The following SP140 variants were observed in gnomAD, a reference collection of about 807,000 sequenced individuals.
SP140 encodes SP140 nuclear body protein.
A neutral mutation model predicts 125.0 loss-of-function variants in SP140; 81 were observed. That is an observed-to-expected ratio of 0.65 (90% CI 0.54 to 0.78). The LOEUF is 0.78. Among genes scored for constraint, SP140 ranks in the 30% least tolerant of loss-of-function variants. SP140 has a pLI of 0.00. For synonymous variants in SP140, 312 were observed against 354.0 expected, an observed-to-expected ratio of 0.88 and a Z score of 1.33; for missense variants, 858 against 1,037.0, an observed-to-expected ratio of 0.83 and a Z score of 2.37.
At chr2:230,249,388 G>A (rs529473679) in intron 9 of SP140, among the ~76,000 whole-genome samples, 1 of 152,266 alleles carries the variant, frequency 6.6e-6, no homozygotes, top group East Asian at 1.9e-4. Context: ...TGCAACTGAG[G>A]AAAGTCATGC....
At chr2:230,196,891 C>T in the SP140 span, among the ~76,000 whole-genome samples, 12 of 150,380 alleles carry the variant, frequency 8.0e-5, no homozygotes, top group Admixed American at 1.3e-4. Context: ...TTTATGGCTG[C>T]ATAGTATTCC....
At chr2:230,283,304 A>G (rs1370933357) in intron 15 of SP140, among the ~76,000 whole-genome samples, 3 of 152,224 alleles carry the variant, frequency 2.0e-5, no homozygotes, top group Admixed American at 1.3e-4. Context: ...AAAATCTGCT[A>G]TACCATTCCA....
At chr2:230,278,989 G>T (rs2055129575) in intron 15 of SP140, among the ~76,000 whole-genome samples, 1 of 152,026 alleles carries the variant, frequency 6.6e-6, no homozygotes, top group South Asian at 2.1e-4. Context: ...GAATTAGTAA[G>T]GTTGCAGAAT....
the SP140 span, among the ~76,000 whole-genome samples, chr2:230,188,212 T>G: frequency 6.6e-6 from 1 of 152,200 alleles, no homozygotes; most frequent in South Asian, 2.1e-4. Flanking sequence ...TCTCCTTGGA[T>G]AAGTATATTC....
Position 230,290,482 on chromosome 2 carries a change from A to G in SP140, c.1743A>G (p.Glu581=). Reference sequence around the variant, plus strand: ...CAGCTTCAAGAAAGCACAAAGATGAAACTGTGGATTTTAAGGCTCCTTTGC... The same window carrying G: ...CAGCTTCAAGAAAGCACAAAGATGAGACTGTGGATTTTAAGGCTCCTTTGC... The part of the protein sequence containing the change: ...RSRASRKHKD[E]TVDFKAPLLP... The change falls in exon 19 of 27, where the codon GAA becomes GAG. Residue 581 remains glutamate (E), a synonymous_variant. Coordinates refer to ENST00000392045, the MANE Select transcript of SP140 (RefSeq NM_007237.5). 8.7e-6 allele frequency: 14 copies of G among 1,613,838 alleles called. No individual in the cohort carries two copies. Among genetic ancestry groups the G allele is most frequent in the Non-Finnish European group, 1.0e-5 (12 of 1,179,934 alleles).
chr2:230,193,864 A>G, the SP140 span, among the ~76,000 whole-genome samples: 1 of 152,364 alleles, frequency 6.6e-6, no homozygotes, highest in East Asian at 1.9e-4. Context: ...AAAATCTTGA[A>G]GCACAGTATT....
upstream of SP140, chr2:230,200,419 A>G (rs1405236362): frequency 2.7e-5 from 5 of 188,400 alleles, no homozygotes; most frequent in Admixed American, 2.7e-4. Context: ...ATAGTGTCAC[A>G]TGTGTGTTTT....
upstream of SP140, chr2:230,200,713 T>C: frequency 1.5e-6 from 1 of 645,900 alleles, no homozygotes; most frequent in Non-Finnish European, 2.8e-6. Context: ...CATATATTTG[T>C]AGTAGTAAAT....
intron 8 of SP140, 92 bp from the exon 9 acceptor site, chr2:230,248,793 C>G (rs1027105705): frequency 1.2e-5 from 12 of 980,196 alleles, no homozygotes; most frequent in Non-Finnish European, 1.9e-5. Flanking sequence ...AGGGGTGGCT[C>G]TCAGCATTTG....
intron 1 of SP140, among the ~76,000 whole-genome samples, chr2:230,207,477 C>T (rs556682452): frequency 3.3e-4 from 51 of 152,284 alleles, no homozygotes; most frequent in Non-Finnish European, 6.3e-4. Context: ...ACAAAACACA[C>T]ATCTATACAC....
intron 19 of SP140, among the ~76,000 whole-genome samples, chr2:230,291,676 T>A (rs764743346): frequency 6.6e-6 from 1 of 152,276 alleles, no homozygotes; most frequent in African/African-American, 2.4e-5. Context: ...CATTTGGAAC[T>A]ATTTCCACTC....
chr2:230,255,968 G>A (rs1209258763), intron 12 of SP140, among the ~76,000 whole-genome samples: 1 of 152,196 alleles, frequency 6.6e-6, no homozygotes, highest in African/African-American at 2.4e-5. Flanking sequence ...CAGAAATACG[G>A]TAGGAAGAAG....
intron 8 of SP140, 72 bp downstream of exon 8, chr2:230,248,137 G>A (rs2049780010): frequency 1.4e-6 from 2 of 1,473,590 alleles, no homozygotes; most frequent in African/African-American, 1.4e-5. Flanking sequence ...GGGAGACCAG[G>A]TGGGCAAGGT....
chr2:230,194,928 A>C, the SP140 span, among the ~76,000 whole-genome samples: 1 of 152,058 alleles, frequency 6.6e-6, no homozygotes. Context: ...CTAGGGGACA[A>C]GGTTGGGGCT....
At chr2:230,201,068 G>C, upstream of SP140, 2 of 885,322 alleles carry the variant, frequency 2.3e-6, no homozygotes, top group South Asian at 1.3e-5. Context: ...GAGTCTTGGA[G>C]GCTCCAGGTC....
At chr2:230,274,020 C>T (rs1329115756) in intron 15 of SP140, among the ~76,000 whole-genome samples, 1 of 151,808 alleles carries the variant, frequency 6.6e-6, no homozygotes, top group Non-Finnish European at 1.5e-5. Context: ...AGGCTTAATA[C>T]CTGGATGATG....
intron 12 of SP140, among the ~76,000 whole-genome samples, chr2:230,262,418 G>A (rs2052415111): frequency 6.6e-6 from 1 of 151,824 alleles, no homozygotes; most frequent in Admixed American, 6.6e-5. Context: ...TTTATCGTTT[G>A]TATTTTTTTT....
upstream of SP140, among the ~76,000 whole-genome samples, chr2:230,199,485 A>G (rs957631350): frequency 1.3e-4 from 20 of 152,156 alleles, no homozygotes; most frequent in East Asian, 3.7e-3. Context: ...CTGGGATTAT[A>G]GGCATGAGCC....
At chr2:230,236,299 A>G (rs2048005815) in intron 1 of SP140, among the ~76,000 whole-genome samples, 1 of 152,134 alleles carries the variant, frequency 6.6e-6, no homozygotes, top group East Asian at 1.9e-4. Context: ...ATCTCCTGAG[A>G]TTTCCTCTCT....
Sources: allele counts gnomAD v4.1 joint callset (sites outside exome capture counted in the v4.1 genomes callset), GRCh38; gene constraint gnomAD v4.1.1; transcripts MANE v1.5; gene names NCBI Gene and HGNC (gene_info 2026-07-23, HGNC 2026-07-21).